The following NFIB variants were observed in gnomAD, a reference collection of about 807,000 sequenced individuals.
NFIB encodes the protein nuclear factor I B, also known as nuclear factor 1 B-type.
In NFIB, 11 loss-of-function variants were observed where a neutral mutation model predicts 61.5. The ratio of observed to expected loss-of-function variants is 0.18; its 90% CI spans 0.11 to 0.30. NFIB has a LOEUF of 0.30. NFIB is among the 10% of genes least tolerant of loss of function. The probability of loss-of-function intolerance (pLI) is 1.00; values close to 1 mark genes in which losing one functional copy is unlikely to be tolerated. For missense variants in NFIB, 471 were observed against 608.9 expected, an observed-to-expected ratio of 0.77 and a Z score of 2.38; for synonymous variants, 260 against 216.5, an observed-to-expected ratio of 1.20 and a Z score of -1.76.
chr9:14,186,798 G>A (rs2047377916), intron 2 of NFIB, among the ~76,000 whole-genome samples: 1 of 151,798 alleles, frequency 6.6e-6, no homozygotes, highest in Non-Finnish European at 1.5e-5. Flanking sequence ...ACACCAGGCA[G>A]CTTCAGTTTT....
At chr9:14,273,674 G>A (rs75855979) in intron 2 of NFIB, among the ~76,000 whole-genome samples, 6 of 152,252 alleles carry the variant, frequency 3.9e-5, no homozygotes, top group African/African-American at 1.4e-4. Flanking sequence ...CTAAAGGCAT[G>A]CCAGAAAGAG....
intron 2 of NFIB, among the ~76,000 whole-genome samples, chr9:14,234,471 G>T (rs2053535578): frequency 6.6e-6 from 1 of 151,530 alleles, no homozygotes; most frequent in South Asian, 2.1e-4. Flanking sequence ...CCGCGTTCAA[G>T]CAACTCTCCT....
intron 2 of NFIB, among the ~76,000 whole-genome samples, chr9:14,213,051 G>A (rs1340862446): frequency 1.3e-5 from 2 of 152,160 alleles, no homozygotes; most frequent in Non-Finnish European, 2.9e-5. Flanking sequence ...CATCAATCAT[G>A]TTTATGCACT....
At chr9:14,171,212 C>T (rs1165829465) in intron 3 of NFIB, among the ~76,000 whole-genome samples, 3 of 152,224 alleles carry the variant, frequency 2.0e-5, no homozygotes, top group South Asian at 2.1e-4. Context: ...TTCTATGTCA[C>T]GGCTTTAAAT....
intron 1 of NFIB, among the ~76,000 whole-genome samples, chr9:14,352,437 C>T (rs780445726): frequency 2.0e-5 from 3 of 151,996 alleles, no homozygotes; most frequent in Non-Finnish European, 4.4e-5. Flanking sequence ...GTGAGCGAGG[C>T]CACAGGTAAA....
rs1233436964 is a variant in NFIB at position 14,322,427 on chromosome 9, G to A, written c.109-14907C>T. ...CAGATGCAGCCGGCACGGCCCCGGG[G>A]TCGCGCGATCGCCCCTTCCCCGCCC... On this transcript the variant is annotated intron_variant, in intron 1 of 8. Transcript: ENST00000380934. 2.6e-5 allele frequency: 6 copies of A among 233,226 alleles called. No individual in the cohort carries two copies. The East Asian group carries it at 3.6e-4, about 14-fold the overall frequency. 14.4% of individuals were successfully genotyped at this position (233,226 alleles called of 1,614,324 possible). A position where few individuals can be genotyped will look rare whatever the true frequency, so the allele number is the denominator to read the frequency against.
the NFIB span, among the ~76,000 whole-genome samples, chr9:14,452,672 A>G: frequency 2.0e-5 from 3 of 152,170 alleles, no homozygotes; most frequent in African/African-American, 7.2e-5. Context: ...CCTAGTAGAC[A>G]TGTCTGCTCC....
chr9:14,321,994 T>C (rs1050375962), intron 1 of NFIB: 2 of 1,228,070 alleles, frequency 1.6e-6, no homozygotes, highest in Admixed American at 4.3e-5. Flanking sequence ...AACAGAACCC[T>C]GGGCCGCTGA....
intron 2 of NFIB, among the ~76,000 whole-genome samples, chr9:14,230,897 G>C (rs1006621598): frequency 6.6e-6 from 1 of 151,714 alleles, no homozygotes; most frequent in Admixed American, 6.6e-5. Flanking sequence ...GCCCAGCTTG[G>C]ATTGAACTTT....
chr9:14,510,678 C>A, the NFIB span, among the ~76,000 whole-genome samples: 1 of 152,010 alleles, frequency 6.6e-6, no homozygotes, highest in African/African-American at 2.4e-5. Context: ...ATTTTTATTG[C>A]TTTCTTGTGT....
intron 2 of NFIB, among the ~76,000 whole-genome samples, chr9:14,250,924 GT>G (rs1219114020): frequency 6.6e-6 from 1 of 152,090 alleles, no homozygotes; most frequent in South Asian, 2.1e-4. Flanking sequence ...GTTAATAAAA[GT>G]TTTTTTGAAA....
the NFIB span, among the ~76,000 whole-genome samples, chr9:14,483,198 T>C: frequency 1.3e-5 from 2 of 152,338 alleles, no homozygotes; most frequent in East Asian, 3.9e-4. Flanking sequence ...AGACTCAATT[T>C]CTTTTAGTTT....
At chr9:14,417,692 G>A in the NFIB span, among the ~76,000 whole-genome samples, 1 of 151,828 alleles carries the variant, frequency 6.6e-6, no homozygotes, top group African/African-American at 2.4e-5. Flanking sequence ...AAAATCATCT[G>A]GGGTATTATT....
upstream of NFIB, chr9:14,314,261 C>T (rs960761829): frequency 1.1e-4 from 73 of 651,860 alleles, no homozygotes; most frequent in South Asian, 1.4e-3. Flanking sequence ...GCGGAAGAGG[C>T]TCGCGGCGCG....
intron 2 of NFIB, among the ~76,000 whole-genome samples, chr9:14,247,958 G>A (rs1253869798): frequency 2.0e-5 from 3 of 147,884 alleles, no homozygotes; most frequent in African/African-American, 5.0e-5. Context: ...TTTGAGACAG[G>A]GTCTCTCCCT....
At chr9:14,172,945 T>C (rs896175518) in intron 3 of NFIB, among the ~76,000 whole-genome samples, 4 of 152,162 alleles carry the variant, frequency 2.6e-5, no homozygotes, top group African/African-American at 9.7e-5. Flanking sequence ...AATTTTTGTA[T>C]TTTTAGTAGA....
At chr9:14,443,470 C>A in the NFIB span, among the ~76,000 whole-genome samples, 20,705 of 152,156 alleles carry the variant, frequency 0.14, 1,882 homozygotes, top group African/African-American at 0.27. Context: ...TTCCACATCA[C>A]CTATCTCAGG....
At position 14,299,966 on chromosome 9, in the gene NFIB, C is replaced by G. The variant is rs146945828; in HGVS notation, c.562+7023G>C. ...ATAATATAACAACCAAAAAGCCCAACCATTCAAGTCCTATTAGTCTCACTC... is the reference window on the plus strand; with the variant it reads ...ATAATATAACAACCAAAAAGCCCAAGCATTCAAGTCCTATTAGTCTCACTC... On this transcript the variant is annotated intron_variant, in intron 2 of 10. Transcript: ENST00000380953. 5.3e-5 allele frequency among the ~76,000 whole-genome samples: 8 copies of G among 152,284 alleles called. No homozygotes were observed. In the East Asian group the frequency reaches 1.5e-3, roughly 29 times the overall value.
At chr9:14,531,980 T>C in the NFIB span, 1 of 152,662 alleles carries the variant, frequency 6.6e-6, no homozygotes, top group Non-Finnish European at 1.5e-5. Context: ...TGTCATAACA[T>C]AGCTGCCATT....
Sources: gnomAD v4.1 joint callset for allele counts (sites outside exome capture counted in the v4.1 genomes callset) on GRCh38, gnomAD v4.1.1 for gene constraint, MANE v1.5 for transcripts, NCBI Gene and HGNC (gene_info 2026-07-23, HGNC 2026-07-21) for gene names.